The following SPTA1 variants were observed in gnomAD, a reference collection of about 807,000 sequenced individuals.
SPTA1 encodes spectrin alpha chain, erythrocytic 1.
In SPTA1, 177 loss-of-function variants were observed where a neutral mutation model predicts 324.7. The observed-to-expected ratio is 0.55, with a 90% CI of 0.48 to 0.62. SPTA1 has a LOEUF of 0.62. Ranked by LOEUF, SPTA1 falls within the 20% of genes least tolerant of loss-of-function variation. The pLI, the probability that SPTA1 is intolerant of heterozygous loss-of-function variation, is 0.00. For synonymous variants in SPTA1, 1,195 were observed against 1,041.3 expected (o/e 1.15, Z -2.84); for missense variants, 3,162 against 2,883.6 (o/e 1.10, Z -2.21).
In SPTA1 at chr1:158,685,913, A is replaced by G. The variant is rs140091236; in HGVS notation, c.25-566T>C. Among the ~76,000 whole-genome samples, 441 of 152,294 alleles carry G rather than the reference A, an allele frequency of 2.9e-3. 1 individual carries two copies. Among genetic ancestry groups the G allele is most frequent in the Non-Finnish European group, 2.7e-3 (184 of 68,016 alleles). On this transcript the variant is annotated intron_variant, in intron 1 of 51. Coordinates refer to ENST00000643759, the MANE Select transcript of SPTA1 (RefSeq NM_003126.4). ...CAAAAGTTCAGCTATCTTCTGCCCA[A>G]TTGTCACAAATTTCAAATTATTAGC...
chr1:158,654,823 G>A, intron 20 of SPTA1, 75 bp from the exon 21 acceptor site: 1 of 1,597,634 alleles, frequency 6.3e-7, no homozygotes, highest in Non-Finnish European at 8.5e-7. Context: ...GGGGTGAGTA[G>A]TCCTTTAGGC....
intron 14 of SPTA1, among the ~76,000 whole-genome samples, chr1:158,668,691 G>A (rs1389442642): frequency 1.3e-5 from 2 of 152,104 alleles, no homozygotes; most frequent in Non-Finnish European, 2.9e-5. Context: ...GTACATAATA[G>A]TTTATATTAT....
At chr1:158,616,177 T>A (rs937832503) in intron 47 of SPTA1, among the ~76,000 whole-genome samples, 4 of 152,184 alleles carry the variant, frequency 2.6e-5, no homozygotes, top group African/African-American at 9.6e-5. Context: ...AATACATTCA[T>A]ATAATTTGTA....
chr1:158,644,019 C>A (rs1651810734), intron 30 of SPTA1, among the ~76,000 whole-genome samples: 1 of 151,796 alleles, frequency 6.6e-6, no homozygotes, highest in Non-Finnish European at 1.5e-5. Context: ...TGTCTGTAAT[C>A]CCAGCTACTC....
chr1:158,649,084 C>T (rs1273597908), intron 25 of SPTA1, among the ~76,000 whole-genome samples: 1 of 152,114 alleles, frequency 6.6e-6, no homozygotes, highest in African/African-American at 2.4e-5. Flanking sequence ...TACATTTATA[C>T]ACAATGAAGG....
At chr1:158,677,920 T>C in intron 6 of SPTA1, 86 bp from the exon 7 acceptor site, 1 of 1,551,498 alleles carries the variant, frequency 6.4e-7, no homozygotes, top group Non-Finnish European at 8.9e-7. Flanking sequence ...GCAAGGACCA[T>C]CCTAGTTGAC....
intron 39 of SPTA1, among the ~76,000 whole-genome samples, chr1:158,627,960 A>G (rs1650394559): frequency 6.6e-6 from 1 of 152,158 alleles, no homozygotes; most frequent in African/African-American, 2.4e-5. Context: ...CATTCTTTCT[A>G]ATTTATTATG....
chr1:158,677,518 C>T (rs1278342411), intron 7 of SPTA1, among the ~76,000 whole-genome samples, 172 bp downstream of exon 7: 1 of 152,110 alleles, frequency 6.6e-6, no homozygotes, highest in East Asian at 1.9e-4. Context: ...TATCCAGTAT[C>T]CACATACGAG....
At chr1:158,680,127 C>T (rs1233226987) in intron 5 of SPTA1, among the ~76,000 whole-genome samples, 1 of 152,092 alleles carries the variant, frequency 6.6e-6, no homozygotes, top group African/African-American at 2.4e-5. Flanking sequence ...TCCTTTCCTT[C>T]CTCAATCCTC....
Position 158,648,620 on chromosome 1 carries a change from C to G in SPTA1, c.3603G>C (p.Lys1201Asn). Residue 1201 changes from lysine to asparagine, a missense_variant, in exon 26 of 52, where the codon AAG becomes AAC. Lys to Asn is a moderately conservative substitution (Grantham distance 94). Coordinates refer to ENST00000643759, the MANE Select transcript of SPTA1 (RefSeq NM_003126.4). ...CTGCAGCACTGAGGGCCTGGCATTT[C>G]TTCTCAATCTGCTCCTTCGTGTCAT... Reference protein sequence around the residue: ...EADDTKEQIEKKCQALSAADP... With the variant: ...EADDTKEQIENKCQALSAADP... 1 of 1,613,964 alleles carries G rather than the reference C, an allele frequency of 6.2e-7. No homozygotes were observed. The highest frequency in any genetic ancestry group is 8.5e-7 in the Non-Finnish European group (1 of 1,179,978).
intron 15 of SPTA1, among the ~76,000 whole-genome samples, chr1:158,667,057 T>C (rs1446664080): frequency 6.6e-6 from 1 of 152,222 alleles, no homozygotes; most frequent in Admixed American, 6.5e-5. Flanking sequence ...ATTTGCATTA[T>C]TTCTGCAAAG....
Position 158,669,786 on chromosome 1 carries a change from T to C in SPTA1, c.1600A>G (p.Thr534Ala), listed in dbSNP as rs1489765861. ...AFTAQEEKII[T>A]VDKTATKLIG... ...AATTTGGTTGCAGTCTTGTCTACAG[T>C]CTGAAAAAATAAAAATAAAAATGAA... The change falls in exon 13 of 52, where the codon ACT becomes GCT. Residue 534 changes from threonine (T) to alanine (A), a missense_variant and splice_region_variant. Coordinates refer to ENST00000643759, the MANE Select transcript of SPTA1 (RefSeq NM_003126.4). 1 of 1,613,948 alleles carries C rather than the reference T, an allele frequency of 6.2e-7. No individual in the cohort carries two copies. The highest frequency in any genetic ancestry group is 8.5e-7 in the Non-Finnish European group (1 of 1,179,904).
Position 158,681,534 on chromosome 1 carries a change from C to T in SPTA1, c.524G>A (p.Gly175Glu), listed in dbSNP as rs372282702. The change falls in exon 4 of 52, where the codon GGA (glycine) becomes GAA (glutamate). Residue 175 changes from glycine (G) to glutamate (E), a missense_variant. Coordinates refer to ENST00000643759, the MANE Select transcript of SPTA1 (RefSeq NM_003126.4). The stretch of plus-strand genomic sequence containing the variant: ...CTGTTTTAAGTTCGATACCTTGTCT[C>T]CAATCCACTCTAAGATGTCAGCACA... Reference protein sequence around the residue: ...QECADILEWIGDKEAIATSVE... With the variant: ...QECADILEWIEDKEAIATSVE... 9.3e-6 allele frequency: 15 copies of T among 1,613,558 alleles called. No individual in the cohort carries two copies. Among genetic ancestry groups the T allele is most frequent in the Non-Finnish European group, 1.1e-5 (13 of 1,179,704 alleles).
chr1:158,667,294 T>C (rs1347702000), intron 15 of SPTA1, among the ~76,000 whole-genome samples: 1 of 152,178 alleles, frequency 6.6e-6, no homozygotes, highest in Non-Finnish European at 1.5e-5. Flanking sequence ...TGATTAATTT[T>C]CCAAAGTAAA....
intron 39 of SPTA1, among the ~76,000 whole-genome samples, chr1:158,633,504 C>CA (rs934567875): frequency 1.3e-5 from 2 of 151,186 alleles, no homozygotes; most frequent in Non-Finnish European, 3.0e-5. Flanking sequence ...ACTAAAAATA[C>CA]AAAAAAATTA....
intron 16 of SPTA1, among the ~76,000 whole-genome samples, chr1:158,665,948 G>A (rs1175040567): frequency 1.3e-5 from 2 of 152,078 alleles, no homozygotes; most frequent in Non-Finnish European, 2.9e-5. Context: ...TCTAGATTGA[G>A]AGAAGAGTTT....
chr1:158,650,512 G>C (rs904735880), intron 24 of SPTA1, among the ~76,000 whole-genome samples: 1 of 152,142 alleles, frequency 6.6e-6, no homozygotes, highest in Non-Finnish European at 1.5e-5. Flanking sequence ...CATAGATCCA[G>C]ATCTGAATCA....
intron 6 of SPTA1, 123 bp downstream of exon 6, chr1:158,678,278 G>T: frequency 2.3e-6 from 3 of 1,331,068 alleles, no homozygotes; most frequent in Non-Finnish European, 3.2e-6. Flanking sequence ...GCAAGTACAT[G>T]ATCCACTTTT....
intron 7 of SPTA1, among the ~76,000 whole-genome samples, chr1:158,676,825 A>G (rs1654422227): frequency 6.6e-6 from 1 of 152,156 alleles, no homozygotes; most frequent in South Asian, 2.1e-4. Context: ...GTGGGTTTTC[A>G]CATGTTATTA....
Sources: allele counts gnomAD v4.1 joint callset (sites outside exome capture counted in the v4.1 genomes callset), GRCh38; gene constraint gnomAD v4.1.1; transcripts MANE v1.5; gene names NCBI Gene and HGNC (gene_info 2026-07-23, HGNC 2026-07-21).